Variants in PDE4D observed in about 807,000 individuals in gnomAD.
PDE4D encodes 3',5'-cyclic-AMP phosphodiesterase 4D.
In PDE4D, 24 loss-of-function variants were observed where a neutral mutation model predicts 87.4. The ratio of observed to expected loss-of-function variants is 0.27; its 90% CI spans 0.20 to 0.39. The LOEUF (loss-of-function observed/expected upper bound fraction) is 0.39. Among genes scored for constraint, PDE4D ranks in the 10% least tolerant of loss-of-function variants. PDE4D has a pLI of 1.00. For synonymous variants in PDE4D, 384 were observed against 383.2 expected (o/e 1.00, Z -0.02); for missense variants, 714 against 1,041.0 (o/e 0.69, Z 4.32).
chr5:60,463,594 A>G lies in PDE4D; in HGVS notation c.-90+24348T>C, dbSNP rs1250276221. The stretch of plus-strand genomic sequence containing the variant: ...TAGTAAACAAACAATCCAGATGACT[A>G]TAAAAGCAAAACATTCTAACCCCTG... On this transcript the variant is annotated intron_variant, in intron 1 of 16. Transcript: ENST00000502484. 2.0e-5 allele frequency among the ~76,000 whole-genome samples: 3 copies of G among 152,192 alleles called. No individual in the cohort carries two copies. In the East Asian group the frequency reaches 5.8e-4, roughly 29 times the overall value.
chr5:60,334,382 G>A (rs1414195577), intron 1 of PDE4D, among the ~76,000 whole-genome samples: 11 of 152,076 alleles, frequency 7.2e-5, no homozygotes, highest in Non-Finnish European at 1.5e-5. Flanking sequence ...ACATTAACTT[G>A]TTCATCTTGT....
At chr5:59,195,204 G>A (rs536831684) in intron 2 of PDE4D, among the ~76,000 whole-genome samples, 8 of 152,194 alleles carry the variant, frequency 5.3e-5, no homozygotes, top group Non-Finnish European at 1.0e-4. Context: ...TATAGCAACA[G>A]AAACTGGACT....
At chr5:60,250,411 T>A (rs1748293221) in intron 1 of PDE4D, among the ~76,000 whole-genome samples, 1 of 151,884 alleles carries the variant, frequency 6.6e-6, no homozygotes, top group South Asian at 2.1e-4. Flanking sequence ...AGCAAAAACT[T>A]GTAAAGATGG....
intron 1 of PDE4D, among the ~76,000 whole-genome samples, chr5:59,799,601 A>G (rs1342285474): frequency 6.6e-6 from 1 of 152,214 alleles, no homozygotes; most frequent in Non-Finnish European, 1.5e-5. Context: ...TGGGTGACTA[A>G]TGACAAACAT....
chr5:60,058,441 T>C (rs1018744125), intron 2 of PDE4D, among the ~76,000 whole-genome samples: 1 of 152,000 alleles, frequency 6.6e-6, no homozygotes, highest in African/African-American at 2.4e-5. Context: ...GGATTATTTA[T>C]AAATTACAAA....
chr5:60,087,891 G>C (rs1011323550), intron 2 of PDE4D, among the ~76,000 whole-genome samples: 1 of 152,020 alleles, frequency 6.6e-6, no homozygotes, highest in Non-Finnish European at 1.5e-5. Context: ...CTATCCAAGT[G>C]CAGGAAGCTC....
In PDE4D at chr5:60,431,941, C is replaced by T. The variant is rs188604953; in HGVS notation, c.-90+56001G>A. On this transcript the variant is annotated intron_variant, in intron 1 of 16. Coordinates refer to the PDE4D transcript ENST00000502484. ...TACGAAAACCTGTCAGGTGTGGCGG[C>T]GCAGGCCTGCAATCGCAGGCACTCG... Among the ~76,000 whole-genome samples, 400 of 152,344 alleles carry T rather than the reference C, an allele frequency of 2.6e-3. 6 individuals are homozygous for T. The East Asian group carries it at 0.028, about 11-fold the overall frequency.
chr5:60,243,093 A>G (rs1220832224), intron 1 of PDE4D, among the ~76,000 whole-genome samples: 1 of 152,012 alleles, frequency 6.6e-6, no homozygotes. Flanking sequence ...ATTAAGAAAA[A>G]AGAGAGAAGA....
intron 1 of PDE4D, among the ~76,000 whole-genome samples, chr5:60,203,636 T>C (rs1037478414): frequency 4.6e-5 from 7 of 152,200 alleles, no homozygotes; most frequent in African/African-American, 1.2e-4. Context: ...AGAAAAAGTA[T>C]ATACAGTAAT....
At chr5:59,492,074 C>A (rs1424268557) in intron 1 of PDE4D, among the ~76,000 whole-genome samples, 1 of 152,034 alleles carries the variant, frequency 6.6e-6, no homozygotes, top group Admixed American at 6.6e-5. Flanking sequence ...AGAACCCCAC[C>A]CCCAAACAAA....
intron 5 of PDE4D, among the ~76,000 whole-genome samples, chr5:59,043,374 C>G (rs930699864): frequency 9.9e-5 from 15 of 152,120 alleles, no homozygotes; most frequent in Middle Eastern, 6.8e-3. Context: ...ATACAAAATA[C>G]TAGCCGTGCA....
chr5:59,885,253 T>A (rs1433827909), intron 1 of PDE4D, among the ~76,000 whole-genome samples: 1 of 152,134 alleles, frequency 6.6e-6, no homozygotes, highest in East Asian at 1.9e-4. Context: ...TTCTGCTATC[T>A]TATAAGGAAA....
intron 1 of PDE4D, among the ~76,000 whole-genome samples, chr5:59,315,751 G>A (rs1003404944): frequency 6.6e-6 from 1 of 152,140 alleles, no homozygotes; most frequent in Non-Finnish European, 1.5e-5. Context: ...TCCTCTGGGG[G>A]CACTAGACCA....
In PDE4D at chr5:59,893,322, T is replaced by C; in HGVS notation, c.301A>G (p.Thr101Ala). 6.6e-7 allele frequency: 1 copy of C among 1,518,276 alleles called. No individual in the cohort carries two copies. Among genetic ancestry groups the C allele is most frequent in the Non-Finnish European group, 8.8e-7 (1 of 1,131,234 alleles). The allele number at this position is 1,518,276 out of a possible 1,614,324, so 94.1% of individuals were successfully genotyped here. The change falls in exon 1 of 15, where the codon ACC (threonine) becomes GCC (alanine). Residue 101 changes from threonine to alanine, a missense_variant. By Grantham distance (58) the Thr-to-Ala change is moderately conservative. Transcript: ENST00000340635. ...TAGCCGCGATGCCGGACGCGGCCGG[T>C]GGCCCCGCTCGAGGCGTAGCGGCCG... ...ARGRYASSGA[T>A]GRVRHRGYSD... is the part of the protein sequence containing the mutation.
At chr5:59,718,080 A>C (rs561756045) in intron 1 of PDE4D, among the ~76,000 whole-genome samples, 4 of 152,282 alleles carry the variant, frequency 2.6e-5, no homozygotes, top group African/African-American at 7.2e-5. Context: ...GAGAGGTCTG[A>C]GGATTGGGCT....
intron 2 of PDE4D, among the ~76,000 whole-genome samples, chr5:60,064,310 T>G (rs1771810138): frequency 6.6e-6 from 1 of 152,098 alleles, no homozygotes; most frequent in African/African-American, 2.4e-5. Context: ...ATTGTGCATA[T>G]TTTATGAATG....
chr5:60,103,481 G>A (rs1776472367), intron 2 of PDE4D, among the ~76,000 whole-genome samples: 1 of 152,172 alleles, frequency 6.6e-6, no homozygotes, highest in Non-Finnish European at 1.5e-5. Context: ...AGAAAGATGA[G>A]ATTTATTAAA....
intron 2 of PDE4D, among the ~76,000 whole-genome samples, chr5:60,035,447 A>T (rs1224370180): frequency 6.6e-6 from 1 of 152,174 alleles, no homozygotes; most frequent in Non-Finnish European, 1.5e-5. Context: ...GAAGTTAAAT[A>T]ACTTGCCCAT....
intron 1 of PDE4D, among the ~76,000 whole-genome samples, chr5:59,786,615 T>C (rs1302621253): frequency 6.6e-6 from 1 of 152,220 alleles, no homozygotes; most frequent in African/African-American, 2.4e-5. Flanking sequence ...GCGAGGATAG[T>C]ACTTTGGGCA....
Sources: allele counts gnomAD v4.1 joint callset (sites outside exome capture counted in the v4.1 genomes callset), GRCh38; gene constraint gnomAD v4.1.1; transcripts MANE v1.5; gene names NCBI Gene and HGNC (gene_info 2026-07-23, HGNC 2026-07-21).